TACC2: variants seen among roughly 807,000 people sequenced by gnomAD.
TACC2 encodes transforming acidic coiled-coil-containing protein 2.
In TACC2, 137 loss-of-function variants were observed where a neutral mutation model predicts 227.3. That is an observed-to-expected ratio of 0.60 (90% CI 0.52 to 0.69). The LOEUF is 0.69. Ranked by LOEUF, TACC2 falls within the 30% of genes least tolerant of loss-of-function variation. TACC2 has a pLI of 0.00. For synonymous variants in TACC2, 1,523 were observed against 1,487.5 expected, an observed-to-expected ratio of 1.02 and a Z score of -0.55; for missense variants, 3,470 against 3,694.4, an observed-to-expected ratio of 0.94 and a Z score of 1.57.
intron 3 of TACC2, among the ~76,000 whole-genome samples, chr10:122,053,378 C>T (rs1036052684): frequency 3.3e-5 from 5 of 149,426 alleles, no homozygotes; most frequent in African/African-American, 1.3e-4. Context: ...GATTCAGTCA[C>T]CCCCCCAGGT....
At chr10:122,223,572 T>G (rs928863801) in intron 11 of TACC2, among the ~76,000 whole-genome samples, 5 of 152,144 alleles carry the variant, frequency 3.3e-5, no homozygotes, top group East Asian at 1.9e-4. Context: ...CAAGGGAGAT[T>G]TAGAGATTCC....
chr10:122,154,912 T>C (rs1163901078), intron 7 of TACC2, among the ~76,000 whole-genome samples: 1 of 152,212 alleles, frequency 6.6e-6, no homozygotes, highest in Non-Finnish European at 1.5e-5. Context: ...TGTTCCTTCA[T>C]GGAGGCTTGA....
intron 2 of TACC2, among the ~76,000 whole-genome samples, chr10:122,029,744 C>G (rs1958694200): frequency 6.6e-6 from 1 of 152,088 alleles, no homozygotes; most frequent in African/African-American, 2.4e-5. Flanking sequence ...GGTGAGCGCC[C>G]TCAATGTGCA....
At chr10:122,245,022 C>G (rs541669600) in intron 19 of TACC2, 1 of 152,350 alleles carries the variant, frequency 6.6e-6, no homozygotes, top group South Asian at 2.1e-4. Flanking sequence ...TGTTTTGCTT[C>G]CATTTTCTGT....
At chr10:122,107,529 C>A (rs1418168071) in intron 5 of TACC2, among the ~76,000 whole-genome samples, 1 of 152,026 alleles carries the variant, frequency 6.6e-6, no homozygotes, top group East Asian at 1.9e-4. Flanking sequence ...GCGGAGGTTG[C>A]AGTGAGCCCA....
intron 7 of TACC2, among the ~76,000 whole-genome samples, chr10:122,162,352 A>G (rs2092870458): frequency 6.6e-6 from 1 of 152,220 alleles, no homozygotes; most frequent in African/African-American, 2.4e-5. Flanking sequence ...CAATTTTAAA[A>G]TGCTTTGAAC....
In TACC2 at chr10:122,195,046, C is replaced by T. The variant is rs756957694; in HGVS notation, c.5841C>T (p.Ser1947=). The change falls in exon 8 of 23, where the codon TCC becomes TCT. Residue 1947 remains serine, a synonymous_variant. Transcript: ENST00000369005. ...PDPAKDLSRS[S]DSEEAFETPE... ...CTTCTCCCTCTCTCATCAGGAGTTC[C>T]GATTCTGAAGAGGCATTTGAGACCC... 12 of 1,611,324 alleles carry T rather than the reference C, an allele frequency of 7.4e-6. No homozygotes were observed. The highest frequency in any genetic ancestry group is 5.0e-5 in the Admixed American group (3 of 59,816).
chr10:122,212,225 C>G (rs893883836), intron 9 of TACC2, among the ~76,000 whole-genome samples: 1 of 152,254 alleles, frequency 6.6e-6, no homozygotes, highest in Non-Finnish European at 1.5e-5. Flanking sequence ...GGGCCCCTCC[C>G]TGCTGCACTC....
At chr10:122,116,852 C>T (rs1272228028) in intron 5 of TACC2, among the ~76,000 whole-genome samples, 3 of 151,870 alleles carry the variant, frequency 2.0e-5, no homozygotes, top group Admixed American at 6.6e-5. Context: ...CTGGTTGTCT[C>T]GGCTTCCTTT....
chr10:122,187,052 G>A (rs947773967), intron 7 of TACC2, among the ~76,000 whole-genome samples: 13 of 152,136 alleles, frequency 8.5e-5, no homozygotes, highest in African/African-American at 3.1e-4. Context: ...GTCACTCTGC[G>A]CTTCCTGCAG....
chr10:122,076,922 C>T (rs2078882018), intron 3 of TACC2, among the ~76,000 whole-genome samples: 1 of 152,018 alleles, frequency 6.6e-6, no homozygotes. Flanking sequence ...CGAGACCAGC[C>T]TGGCCAACAT....
intron 3 of TACC2, among the ~76,000 whole-genome samples, chr10:122,075,620 G>A (rs1017550300): frequency 3.9e-5 from 6 of 152,142 alleles, no homozygotes; most frequent in African/African-American, 1.4e-4. Context: ...GCAGGAATGT[G>A]GGGAGCTGGG....
Position 122,083,226 on chromosome 10 carries a change from G to T in TACC2, c.726G>T (p.Gly242=). 1.2e-6 allele frequency: 2 copies of T among 1,613,444 alleles called. No homozygotes were observed. The highest frequency in any genetic ancestry group is 1.7e-6 in the Non-Finnish European group (2 of 1,179,966). ...GGFPPAESRQ[G]VASVQVTPEA... ...TTCCCCCTGCAGAGTCCAGGCAGGGGGTGGCTTCTGTGCAAGTGACCCCTG... is the reference window on the plus strand; with the variant it reads ...TTCCCCCTGCAGAGTCCAGGCAGGGTGTGGCTTCTGTGCAAGTGACCCCTG... The change falls in exon 4 of 23, where the codon GGG becomes GGT. Residue 242 remains glycine (G), a synonymous_variant. Coordinates refer to ENST00000369005, the MANE Select transcript of TACC2 (RefSeq NM_206862.4).
intron 2 of TACC2, among the ~76,000 whole-genome samples, chr10:122,029,656 C>T (rs891215994): frequency 6.6e-5 from 10 of 152,130 alleles, no homozygotes; most frequent in Non-Finnish European, 1.3e-4. Flanking sequence ...GGGTTGGCTT[C>T]GGGCACGCCT....
intron 11 of TACC2, among the ~76,000 whole-genome samples, chr10:122,223,314 G>A (rs1157921113): frequency 6.6e-6 from 1 of 152,114 alleles, no homozygotes; most frequent in African/African-American, 2.4e-5. Flanking sequence ...GGGATTATAG[G>A]TGTGAGCCAC....
chr10:122,050,628 C>G lies in TACC2; in HGVS notation c.146+78C>G, dbSNP rs2075568933. 4 of 1,224,500 alleles carry G rather than the reference C, an allele frequency of 3.3e-6. No individual in the cohort carries two copies. Among genetic ancestry groups the G allele is most frequent in the Non-Finnish European group, 1.2e-6 (1 of 847,238 alleles). The allele number at this position is 1,224,500 out of a possible 1,614,324, so 75.9% of individuals were successfully genotyped here. On this transcript the variant is annotated intron_variant, in intron 3 of 22. Transcript: ENST00000369005. This position sits in a 1 kb window ranked among gnomAD's most constrained non-coding sequence, Gnocchi z 4.6. Reference sequence around the variant, plus strand: ...TGCCTGCTCCAGCATTAGCTTTGCCCCATTTGCTTTGGAAACTGGACCCTT... The same window carrying G: ...TGCCTGCTCCAGCATTAGCTTTGCCGCATTTGCTTTGGAAACTGGACCCTT...
At chr10:122,008,264 A>ATTATTATTATTATTTTTTT in intron 1 of TACC2, among the ~76,000 whole-genome samples, 4 of 134,650 alleles carry the variant, frequency 3.0e-5, no homozygotes, top group South Asian at 2.4e-4. Context: ...TATTATTATT[A>ATTATTATTATTATTTTTTT]TTTTTTTTTT....
At chr10:122,070,544 G>A (rs1004846575) in intron 3 of TACC2, among the ~76,000 whole-genome samples, 3 of 151,864 alleles carry the variant, frequency 2.0e-5, no homozygotes, top group South Asian at 2.1e-4. Context: ...ACCTGAGGTC[G>A]GGAGTTGGAG....
In TACC2 at chr10:122,086,302, C is replaced by A; in HGVS notation, c.3802C>A (p.Pro1268Thr). The A allele has an allele frequency of 6.2e-7, 1 of 1,613,932 alleles. No homozygotes were observed. The highest frequency in any genetic ancestry group is 2.2e-5 in the East Asian group (1 of 44,876). The part of the protein sequence containing the change: ...SADPRAPGES[P>T]CPVGEPPLAL... The stretch of plus-strand genomic sequence containing the variant: ...AGACCCCAGAGCTCCTGGCGAAAGC[C>A]CCTGTCCTGTAGGGGAGCCCCCACT... Residue 1268 changes from proline (P) to threonine (T), a missense_variant, in exon 4 of 23, where the codon CCC (proline) becomes ACC (threonine). Pro to Thr is a conservative substitution (Grantham distance 38, BLOSUM62 -1). Coordinates refer to ENST00000369005, the MANE Select transcript of TACC2 (RefSeq NM_206862.4).
Sources: allele counts gnomAD v4.1 joint callset (sites outside exome capture counted in the v4.1 genomes callset), GRCh38; gene constraint gnomAD v4.1.1; non-coding constraint Gnocchi (gnomAD v3.1); transcripts MANE v1.5; gene names NCBI Gene and HGNC (gene_info 2026-07-23, HGNC 2026-07-21).